Variants in SLIT1 observed in about 807,000 individuals in gnomAD.
SLIT1 encodes slit guidance ligand 1, also known as slit homolog 1 protein.
A neutral mutation model predicts 186.1 loss-of-function variants in SLIT1; 66 were observed. The observed-to-expected ratio is 0.35, with a 90% confidence interval of 0.29 to 0.44. SLIT1 has a LOEUF of 0.44. Ranked by LOEUF, SLIT1 falls within the 20% of genes least tolerant of loss-of-function variation. The probability of loss-of-function intolerance (pLI) is 1.00; values close to 1 mark genes in which losing one functional copy is unlikely to be tolerated. For synonymous variants in SLIT1, 761 were observed against 833.8 expected (o/e 0.91, Z 1.50); for missense variants, 1,638 against 2,037.4 (o/e 0.80, Z 3.77).
At chr10:97,081,298 T>A (rs1290466813) in intron 4 of SLIT1, among the ~76,000 whole-genome samples, 1 of 151,982 alleles carries the variant, frequency 6.6e-6, no homozygotes, top group Non-Finnish European at 1.5e-5. Context: ...AATCCAAGCT[T>A]CTCCAGGGAG....
chr10:97,050,667 C>T (rs181775802), intron 13 of SLIT1, among the ~76,000 whole-genome samples: 14 of 152,354 alleles, frequency 9.2e-5, no homozygotes, highest in Admixed American at 9.1e-4. Context: ...GACTCCTCCC[C>T]AGCTGCCCAT....
At chr10:97,030,620 G>T (rs1040027801) in intron 25 of SLIT1, 137 bp downstream of exon 25, 6 of 693,090 alleles carry the variant, frequency 8.7e-6, no homozygotes, top group Non-Finnish European at 1.6e-5. Flanking sequence ...GTCCCAGAAG[G>T]TGCACGTGGG....
In SLIT1 at chr10:97,034,524, CTTG is replaced by C; in HGVS notation, c.2382_2384del (p.Asn794del). On this transcript the variant is annotated inframe_deletion, in exon 23 of 37. Transcript: ENST00000266058. ...AGGAGGAATTGCTTAAGGAACTGAT[CTTG>C]TTGTTGCTCAGGTCCCTGGAAAAGG... The C allele has an allele frequency of 6.2e-7, 1 of 1,613,656 alleles. No homozygotes were observed. Among genetic ancestry groups the C allele is most frequent in the South Asian group, 1.1e-5 (1 of 91,064 alleles).
intron 4 of SLIT1, among the ~76,000 whole-genome samples, chr10:97,099,093 C>T (rs1366937695): frequency 6.6e-6 from 1 of 151,620 alleles, no homozygotes; most frequent in Non-Finnish European, 1.5e-5. Flanking sequence ...TGTTAGCTGC[C>T]ATGATTAACG....
Position 97,006,865 on chromosome 10 carries a change from T to A in SLIT1, c.3342-145A>T, listed in dbSNP as rs144941527. The stretch of plus-strand genomic sequence containing the variant: ...AGATGCTCCTAATAAACACTTTTCA[T>A]GAGAGAGCTGAGAGCCAGAAGGATA... On this transcript the variant is annotated intron_variant, in intron 31 of 36. Coordinates refer to ENST00000266058, the MANE Select transcript of SLIT1 (RefSeq NM_003061.3). This position sits in a 1 kb window ranked among gnomAD's most constrained non-coding sequence, Gnocchi z 4.0. 499 of 633,430 alleles carry A rather than the reference T, an allele frequency of 7.9e-4. 5 individuals carry two copies. The African/African-American group carries it at 8.4e-3, about 11-fold the overall frequency. 39.2% of individuals were successfully genotyped at this position (633,430 alleles called of 1,614,324 possible). A position where few individuals can be genotyped will look rare whatever the true frequency, so the allele number is the denominator to read the frequency against.
At chr10:97,093,802 C>T (rs1849258103) in intron 4 of SLIT1, among the ~76,000 whole-genome samples, 2 of 152,360 alleles carry the variant, frequency 1.3e-5, no homozygotes, top group Non-Finnish European at 2.9e-5. Flanking sequence ...CCCAACACTC[C>T]ATCTGCAGAA....
rs3979552 is a variant in SLIT1, at chr10:97,166,623, G to GAAAGAAAGAAGAAA, written c.198-1734_198-1733insTTTCTTCTTTCTTT. On this transcript the variant is annotated intron_variant, in intron 1 of 36. Coordinates refer to ENST00000266058, the MANE Select transcript of SLIT1 (RefSeq NM_003061.3). ...AGAAAGAAAGAAAGAAAGAAAGAAA[G>GAAAGAAAGAAGAAA]AGAAAAGAAAAGAAAAGAAAGGAAA... 1.9e-4 allele frequency among the ~76,000 whole-genome samples: 8 copies of GAAAGAAAGAAGAAA among 42,678 alleles called. 1 individual carries two copies. Among genetic ancestry groups the GAAAGAAAGAAGAAA allele is most frequent in the African/African-American group, 7.7e-4 (8 of 10,434 alleles). 28.0% of individuals were successfully genotyped at this position (42,678 alleles called of 152,430 possible).
chr10:97,016,180 A>G (rs1401802123), intron 28 of SLIT1, among the ~76,000 whole-genome samples: 2 of 151,938 alleles, frequency 1.3e-5, no homozygotes, highest in East Asian at 1.9e-4. Context: ...GTGGTGGTGC[A>G]TGCCTGTAGT....
At chr10:97,001,427 A>G (rs1372223230) in intron 36 of SLIT1, 77 bp from the exon 37 acceptor site, 2 of 1,126,086 alleles carry the variant, frequency 1.8e-6, no homozygotes, top group African/African-American at 3.1e-5. Context: ...AGGCAGGAGG[A>G]AGAGGAGGAG....
chr10:97,147,363 C>T (rs1224935652), intron 4 of SLIT1, among the ~76,000 whole-genome samples: 1 of 152,148 alleles, frequency 6.6e-6, no homozygotes, highest in East Asian at 1.9e-4. Flanking sequence ...GGTTACACAA[C>T]ATCGTGAATG....
At chr10:97,027,436 A>G (rs137967499) in intron 25 of SLIT1, among the ~76,000 whole-genome samples, 120 of 152,340 alleles carry the variant, frequency 7.9e-4, no homozygotes, top group African/African-American at 2.7e-3. Flanking sequence ...GCCTGTTTCC[A>G]TCTTAAACCC....
Position 97,004,613 on chromosome 10 carries a change from C to A in SLIT1, c.3710+80G>T. ...CCAGGTTTCTAGAGGTCTCGATAAC[C>A]ACCTGCTTTTGGCCCAGGAGACCTC... On this transcript the variant is annotated intron_variant, in intron 33 of 36. Transcript: ENST00000266058. The surrounding 1 kb of genome is among the most constrained non-coding windows in gnomAD (Gnocchi z 5.1). 1 of 1,552,518 alleles carries A rather than the reference C, an allele frequency of 6.4e-7. No individual in the cohort carries two copies. The highest frequency in any genetic ancestry group is 1.7e-5 in the Admixed American group (1 of 58,914).
At chr10:97,167,757 AT>A (rs1850139116) in intron 1 of SLIT1, among the ~76,000 whole-genome samples, 1 of 152,212 alleles carries the variant, frequency 6.6e-6, no homozygotes, top group Non-Finnish European at 1.5e-5. Flanking sequence ...TAATTGAATC[AT>A]CTGGGTAGGT....
chr10:97,065,076 TAAGTAA>T (rs546537241), intron 5 of SLIT1, among the ~76,000 whole-genome samples, 200 bp from the exon 6 acceptor site: 1 of 152,278 alleles, frequency 6.6e-6, no homozygotes, highest in East Asian at 1.9e-4. Flanking sequence ...ATCATAAATA[TAAGTAA>T]AAGTTATATT....
intron 4 of SLIT1, among the ~76,000 whole-genome samples, chr10:97,117,842 G>A (rs1476390797): frequency 6.6e-6 from 1 of 152,138 alleles, no homozygotes; most frequent in Admixed American, 6.5e-5. Context: ...AGTCACTGCC[G>A]GCTCTTATAT....
chr10:97,156,147 AG>A (rs1426843596), intron 4 of SLIT1, among the ~76,000 whole-genome samples: 2 of 152,242 alleles, frequency 1.3e-5, no homozygotes, highest in African/African-American at 4.8e-5. Context: ...CTCAAGCCCA[AG>A]GGTGGTGGCA....
Position 97,049,007 on chromosome 10 carries a change from G to T in SLIT1, c.1413C>A (p.Arg471=). The stretch of plus-strand genomic sequence containing the variant: ...TCTGCCCGATGCGCTTGTTGGCGAG[G>T]CGCCGGGGACTGGCACAGCGGGCAC... ...TSGARCASPR[R]LANKRIGQIK... The change falls in exon 14 of 37, where the codon CGC becomes CGA. Residue 471 remains arginine, a synonymous_variant. Transcript: ENST00000266058. 6.2e-7 allele frequency: 1 copy of T among 1,612,916 alleles called. No homozygotes were observed. Among genetic ancestry groups the T allele is most frequent in the South Asian group, 1.1e-5 (1 of 91,078 alleles).
In SLIT1 at chr10:97,068,345, G is replaced by A. The variant is rs950940174; in HGVS notation, c.414-2259C>T. ...AGCCCAGTTTCCTCATGTACAAAAT[G>A]GGAAAAATGAAAGCCTGGCAAAGCA... On this transcript the variant is annotated intron_variant, in intron 4 of 36. Coordinates refer to ENST00000266058, the MANE Select transcript of SLIT1 (RefSeq NM_003061.3). The surrounding 1 kb of genome is among the most constrained non-coding windows in gnomAD (Gnocchi z 4.2). Among the ~76,000 whole-genome samples the A allele has an allele frequency of 6.6e-6, 1 of 152,084 alleles. No individual in the cohort carries two copies. Among genetic ancestry groups the A allele is most frequent in the Non-Finnish European group, 1.5e-5 (1 of 68,018 alleles).
chr10:97,149,890 T>A (rs760765895), intron 4 of SLIT1, among the ~76,000 whole-genome samples: 3 of 152,202 alleles, frequency 2.0e-5, no homozygotes, highest in Admixed American at 6.5e-5. Flanking sequence ...ACATTCCACA[T>A]CTGCCCTGGG....
Sources: allele counts gnomAD v4.1 joint callset (sites outside exome capture counted in the v4.1 genomes callset), GRCh38; gene constraint gnomAD v4.1.1; non-coding constraint Gnocchi (gnomAD v3.1); transcripts MANE v1.5; gene names NCBI Gene and HGNC (gene_info 2026-07-23, HGNC 2026-07-21).